Variants in TAMM41 observed in about 807,000 individuals in gnomAD.
TAMM41 encodes phosphatidate cytidylyltransferase, mitochondrial.
TAMM41 carries 36 observed loss-of-function variants against 44.1 expected under a neutral mutation model. The ratio of observed to expected loss-of-function variants is 0.82; its 90% CI spans 0.63 to 1.08. TAMM41 has a LOEUF of 1.08. Among genes scored for constraint, TAMM41 ranks in the 50% least tolerant of loss-of-function variants. TAMM41 has a pLI of 0.00. For missense variants in TAMM41, 417 were observed against 404.3 expected, an observed-to-expected ratio of 1.03 and a Z score of -0.27; for synonymous variants, 164 against 153.1, an observed-to-expected ratio of 1.07 and a Z score of -0.53.
In TAMM41 at chr3:11,846,722, G is replaced by C; in HGVS notation, c.-86C>G. ...AGACACCGGGTAGGCGGTTTAGGGT[G>C]GGAAATGGAAGTCGGAGACTGGATC... On this transcript the variant is annotated 5_prime_UTR_variant, in exon 1 of 8. Coordinates refer to ENST00000455809, the MANE Select transcript of TAMM41 (RefSeq NM_001284401.2). 2.6e-6 allele frequency: 4 copies of C among 1,564,298 alleles called. No individual in the cohort carries two copies. The highest frequency in any genetic ancestry group is 3.5e-6 in the Non-Finnish European group (4 of 1,144,384).
At chr3:11,776,687 T>C in the TAMM41 span, among the ~76,000 whole-genome samples, 6 of 152,130 alleles carry the variant, frequency 3.9e-5, no homozygotes, top group African/African-American at 7.2e-5. Context: ...TCTCAGAGGG[T>C]ATCCCTGTCA....
At chr3:11,807,323 G>A (rs1274787798) in intron 7 of TAMM41, 5 of 1,451,382 alleles carry the variant, frequency 3.4e-6, no homozygotes, top group Non-Finnish European at 1.8e-6. Flanking sequence ...TGATGAGGGT[G>A]GGTGCCAGAG....
At chr3:11,770,805 C>CA in the TAMM41 span, among the ~76,000 whole-genome samples, 4 of 152,212 alleles carry the variant, frequency 2.6e-5, no homozygotes, top group South Asian at 8.3e-4. Flanking sequence ...TGTTAAATAA[C>CA]AGAGTCTTCA....
the TAMM41 span, among the ~76,000 whole-genome samples, chr3:11,723,207 G>A: frequency 3.3e-5 from 5 of 151,992 alleles, no homozygotes; most frequent in Non-Finnish European, 7.4e-5. Flanking sequence ...GGCAGGCATG[G>A]GATTGGATGG....
At chr3:11,826,530 CAAAA>C (rs11388352) in intron 4 of TAMM41, among the ~76,000 whole-genome samples, 3 of 62,220 alleles carry the variant, frequency 4.8e-5, no homozygotes, top group Non-Finnish European at 8.8e-5. Context: ...CCTTGTCTCT[CAAAA>C]AAAAAAAAAA....
At chr3:11,776,310 G>A in the TAMM41 span, among the ~76,000 whole-genome samples, 10 of 141,606 alleles carry the variant, frequency 7.1e-5, no homozygotes, top group Admixed American at 1.5e-4. Context: ...GAGCCACCGC[G>A]CCCGGCCATT....
At chr3:11,764,443 G>T in the TAMM41 span, among the ~76,000 whole-genome samples, 1 of 149,420 alleles carries the variant, frequency 6.7e-6, no homozygotes, top group Non-Finnish European at 1.5e-5. Context: ...CAACCTGAAG[G>T]CCCAGGGTAA....
At chr3:11,827,039 C>T (rs1052510472) in intron 4 of TAMM41, among the ~76,000 whole-genome samples, 14 of 152,278 alleles carry the variant, frequency 9.2e-5, no homozygotes, top group Admixed American at 1.3e-4. Flanking sequence ...TCAAGTCTAC[C>T]ACTGACTCAC....
At chr3:11,740,264 G>A in the TAMM41 span, among the ~76,000 whole-genome samples, 1 of 152,218 alleles carries the variant, frequency 6.6e-6, no homozygotes, top group South Asian at 2.1e-4. Context: ...TTAAAATAAA[G>A]TCCCAAATCC....
At chr3:11,741,216 C>CAAA in the TAMM41 span, among the ~76,000 whole-genome samples, 3,935 of 61,750 alleles carry the variant, frequency 0.064, 694 homozygotes, top group African/African-American at 0.23. Flanking sequence ...GACACCGTCT[C>CAAA]AAAAAAAAAA....
chr3:11,766,034 CT>C, the TAMM41 span, among the ~76,000 whole-genome samples: 14 of 152,246 alleles, frequency 9.2e-5, no homozygotes, highest in East Asian at 3.9e-4. Context: ...CCATCCAAAA[CT>C]TTGGTCAGCT....
intron 3 of TAMM41, among the ~76,000 whole-genome samples, chr3:11,830,213 G>A (rs1356907068): frequency 1.3e-5 from 2 of 152,034 alleles, no homozygotes; most frequent in East Asian, 1.9e-4. Context: ...TTTTTTAGTC[G>A]ACAGAGGCAT....
At chr3:11,829,482 T>C (rs2078893643) in intron 4 of TAMM41, among the ~76,000 whole-genome samples, 1 of 152,132 alleles carries the variant, frequency 6.6e-6, no homozygotes, top group African/African-American at 2.4e-5. Context: ...TACTTCAAAA[T>C]AAAAATTAAC....
At chr3:11,819,565 T>C (rs1391538848) in intron 4 of TAMM41, among the ~76,000 whole-genome samples, 2 of 152,126 alleles carry the variant, frequency 1.3e-5, no homozygotes, top group Middle Eastern at 3.2e-3. Context: ...AGATGGAAAG[T>C]GATCATTTAA....
At chr3:11,732,482 G>A in the TAMM41 span, among the ~76,000 whole-genome samples, 1 of 152,178 alleles carries the variant, frequency 6.6e-6, no homozygotes, top group Non-Finnish European at 1.5e-5. Context: ...GAAGAGGTGG[G>A]GAGAGAGATC....
At chr3:11,826,314 G>GT (rs1559306356) in intron 4 of TAMM41, among the ~76,000 whole-genome samples, 1 of 152,060 alleles carries the variant, frequency 6.6e-6, no homozygotes, top group Non-Finnish European at 1.5e-5. Flanking sequence ...CGGGAGGATC[G>GT]TTTGAGCTCA....
At chr3:11,776,952 C>T in the TAMM41 span, among the ~76,000 whole-genome samples, 1 of 152,172 alleles carries the variant, frequency 6.6e-6, no homozygotes, top group Admixed American at 6.5e-5. Context: ...CTGAAAGCAT[C>T]AAACTCATAA....
In TAMM41 at chr3:11,834,167, C is replaced by A. The variant is rs188267451; in HGVS notation, c.412-4303G>T. Among the ~76,000 whole-genome samples, 68 of 152,102 alleles carry A rather than the reference C, an allele frequency of 4.5e-4. 1 individual carries two copies. The highest frequency in any genetic ancestry group is 1.5e-4 in the Non-Finnish European group (10 of 67,998). ...GCTGAGATGGGAGGATTGGTTGAGC[C>A]CGGGAGGTCGAGTAAATTGTGTTCA... On this transcript the variant is annotated intron_variant, in intron 3 of 7. Coordinates refer to ENST00000455809, the MANE Select transcript of TAMM41 (RefSeq NM_001284401.2).
the TAMM41 span, among the ~76,000 whole-genome samples, chr3:11,754,364 T>C: frequency 6.6e-6 from 1 of 152,218 alleles, no homozygotes; most frequent in East Asian, 1.9e-4. Context: ...CAATTCTTTT[T>C]AAAAATTTTT....
Sources: allele counts gnomAD v4.1 joint callset (sites outside exome capture counted in the v4.1 genomes callset), GRCh38; gene constraint gnomAD v4.1.1; transcripts MANE v1.5; gene names NCBI Gene and HGNC (gene_info 2026-07-23, HGNC 2026-07-21).